The following RGL2 variants were observed in gnomAD, a reference collection of about 807,000 sequenced individuals.
The protein encoded by RGL2 is ral guanine nucleotide dissociation stimulator like 2.
A neutral mutation model predicts 84.6 loss-of-function variants in RGL2; 40 were observed. The ratio of observed to expected loss-of-function variants is 0.47; its 90% CI spans 0.37 to 0.62. RGL2 has a LOEUF of 0.62. Among genes scored for constraint, RGL2 ranks in the 20% least tolerant of loss-of-function variants. The pLI is 0.00. For synonymous variants in RGL2, 369 were observed against 417.3 expected (o/e 0.88, Z 1.41); for missense variants, 865 against 1,019.7 (o/e 0.85, Z 2.07).
Position 33,296,625 on chromosome 6 carries a change from G to C in RGL2, c.392C>G (p.Pro131Arg). Residue 131 changes from proline (P) to arginine (R), a missense_variant, in exon 4 of 18, where the codon CCT (proline) becomes CGT (arginine). This residue lies in a region of RGL2 where 455 missense variants were observed against 507.8 expected (regional missense o/e 0.90). Transcript: ENST00000497454. The surrounding 1 kb of genome is among the most constrained non-coding windows in gnomAD (Gnocchi z 5.0). ...GTCAGCCATAAGCCCTAGCAAGGCA[G>C]GCGTGGAGGTGAAGGCCCGGTGGGT... ...LATHRAFTSTPALLGLMADRL... is the reference protein window; with the variant it reads ...LATHRAFTSTRALLGLMADRL... The C allele has an allele frequency of 6.2e-7, 1 of 1,613,872 alleles. No homozygotes were observed. The highest frequency in any genetic ancestry group is 8.5e-7 in the Non-Finnish European group (1 of 1,179,990).
At chr6:33,301,550 G>A (rs920042089), upstream of RGL2, 7 of 588,494 alleles carry the variant, frequency 1.2e-5, no homozygotes, top group African/African-American at 1.3e-4. Flanking sequence ...CTGCAGCCTG[G>A]GCGGAAGAGT....
rs1391673921 is a variant in RGL2 at position 33,295,198 on chromosome 6, C to T, written c.1138G>A (p.Val380Ile). Residue 380 changes from valine (V) to isoleucine (I), a missense_variant, in exon 9 of 18, where the codon GTC (valine) becomes ATC (isoleucine). Val to Ile is a conservative substitution (Grantham distance 29). Coordinates refer to ENST00000497454, the MANE Select transcript of RGL2 (RefSeq NM_004761.5). The surrounding 1 kb of genome is among the most constrained non-coding windows in gnomAD (Gnocchi z 7.2). ...WGEATRDSLRVFSSLCQIFSE... is the reference protein window; with the variant it reads ...WGEATRDSLRIFSSLCQIFSE... ...AAAATCTGGCAGAGGCTGGAAAAGACTCTGAGGCTGTCCCTGGGGAAGGGA... is the reference window on the plus strand; with the variant it reads ...AAAATCTGGCAGAGGCTGGAAAAGATTCTGAGGCTGTCCCTGGGGAAGGGA... 2 of 1,603,724 alleles carry T rather than the reference C, an allele frequency of 1.2e-6. No homozygotes were observed. The highest frequency in any genetic ancestry group is 1.7e-6 in the Non-Finnish European group (2 of 1,174,704).
In RGL2 at chr6:33,298,633, G is replaced by T. The variant is rs1327536401; in HGVS notation, c.-23C>A. 7.0e-7 allele frequency: 1 copy of T among 1,438,808 alleles called. No individual in the cohort carries two copies. The allele number at this position is 1,438,808 out of a possible 1,614,324, so 89.1% of individuals were successfully genotyped here. A position where few individuals can be genotyped will look rare whatever the true frequency, so the allele number is the denominator to read the frequency against. ...CATGGCCGAGTGAAGGAATCAGCGG[G>T]GTCGGGCCATGGGGGCGCCTGGGGA... On this transcript the variant is annotated 5_prime_UTR_variant, in exon 2 of 18. Transcript: ENST00000497454. This position sits in a 1 kb window ranked among gnomAD's most constrained non-coding sequence, Gnocchi z 4.8.
chr6:33,298,050 G>A lies in RGL2; in HGVS notation c.156+405C>T, dbSNP rs538192943. On this transcript the variant is annotated intron_variant, in intron 2 of 17. Transcript: ENST00000497454. The surrounding 1 kb of genome is among the most constrained non-coding windows in gnomAD (Gnocchi z 4.8). ...GGAAGGAGGGGTCACGAAATCTGAG[G>A]GTTCCCTCCCCAATCCCAGAGTCAG... is the stretch of plus-strand genomic sequence containing the variant. The A allele has an allele frequency of 1.3e-5, 2 of 157,668 alleles. No homozygotes were observed. Among genetic ancestry groups the A allele is most frequent in the Non-Finnish European group, 2.8e-5 (2 of 71,616 alleles). The allele number at this position is 157,668 out of a possible 1,614,324, so 9.8% of individuals were successfully genotyped here. A position where few individuals can be genotyped will look rare whatever the true frequency, so the allele number is the denominator to read the frequency against.
Position 33,298,477 on chromosome 6 carries a change from T to G in RGL2, c.134A>C (p.Glu45Ala), listed in dbSNP as rs1228009795. ...CACCTCTTCTTCTTCCTCCTCCTCTTCCTCCTGCCCCCCGCCCACGACCAG... is the reference window on the plus strand; with the variant it reads ...CACCTCTTCTTCTTCCTCCTCCTCTGCCTCCTGCCCCCCGCCCACGACCAG... ...GGLVVGGGQE[E>A]EEEEEEEAPV... Residue 45 changes from glutamate (E) to alanine (A), a missense_variant, in exon 2 of 18, where the codon GAA (glutamate) becomes GCA (alanine). By Grantham distance (107) the Glu-to-Ala change is moderately radical. Transcript: ENST00000497454. This position sits in a 1 kb window ranked among gnomAD's most constrained non-coding sequence, Gnocchi z 4.8. The G allele has an allele frequency of 1.3e-6, 2 of 1,514,456 alleles. No homozygotes were observed. Among genetic ancestry groups the G allele is most frequent in the Non-Finnish European group, 1.8e-6 (2 of 1,120,054 alleles). 93.8% of individuals were successfully genotyped at this position (1,514,456 alleles called of 1,614,324 possible). A position where few individuals can be genotyped will look rare whatever the true frequency, so the allele number is the denominator to read the frequency against.
Position 33,296,067 on chromosome 6 carries a change from G to A in RGL2, c.729C>T (p.Leu243=), listed in dbSNP as rs747120176. The change falls in exon 6 of 18, where the codon CTC becomes CTT. Residue 243 remains leucine, a synonymous_variant. Coordinates refer to ENST00000497454, the MANE Select transcript of RGL2 (RefSeq NM_004761.5). This position sits in a 1 kb window ranked among gnomAD's most constrained non-coding sequence, Gnocchi z 5.0. ...TCAGCTGTTCGGCCAAGTGGTCAGC[G>A]AGGAACACCAGGACATCCGTGGGGT... ...PADPTDVLVF[L]ADHLAEQLTL... 5.6e-6 allele frequency: 9 copies of A among 1,614,034 alleles called. No individual in the cohort carries two copies. The highest frequency in any genetic ancestry group is 6.8e-6 in the Non-Finnish European group (8 of 1,180,026).
In RGL2 at chr6:33,295,924, C is replaced by T; in HGVS notation, c.768+104G>A. 6.7e-7 allele frequency: 1 copy of T among 1,485,684 alleles called. No individual in the cohort carries two copies. Among genetic ancestry groups the T allele is most frequent in the Non-Finnish European group, 9.3e-7 (1 of 1,079,922 alleles). 92.0% of individuals were successfully genotyped at this position (1,485,684 alleles called of 1,614,324 possible). A position where few individuals can be genotyped will look rare whatever the true frequency, so the allele number is the denominator to read the frequency against. The stretch of plus-strand genomic sequence containing the variant: ...GAATCAAAATGGTAGGTGGAGGAGG[C>T]TAGGAGCTGGATCAGGAAGGGGTGG... On this transcript the variant is annotated intron_variant, in intron 6 of 17. Coordinates refer to ENST00000497454, the MANE Select transcript of RGL2 (RefSeq NM_004761.5). This position sits in a 1 kb window ranked among gnomAD's most constrained non-coding sequence, Gnocchi z 7.2.
upstream of RGL2, chr6:33,299,169 G>A (rs1263726325): frequency 6.6e-6 from 1 of 152,310 alleles, no homozygotes; most frequent in Non-Finnish European, 1.5e-5. The surrounding 1 kb of genome is among the most constrained non-coding windows in gnomAD (Gnocchi z 5.0). Flanking sequence ...CTACACTCGG[G>A]GATTCTGGAG....
In RGL2 at chr6:33,297,342, G is replaced by C. The variant is rs1768080995; in HGVS notation, c.157-227C>G. Reference sequence around the variant, plus strand: ...CTCAGGGCCCCGGTGGAGTCGAAGGGGCTGCAGTGGAGGCGTGGATGGAGT... The same window carrying C: ...CTCAGGGCCCCGGTGGAGTCGAAGGCGCTGCAGTGGAGGCGTGGATGGAGT... On this transcript the variant is annotated intron_variant, in intron 2 of 17. Transcript: ENST00000497454. This position sits in a 1 kb window ranked among gnomAD's most constrained non-coding sequence, Gnocchi z 4.0. 1 of 500,086 alleles carries C rather than the reference G, an allele frequency of 2.0e-6. No individual in the cohort carries two copies. The highest frequency in any genetic ancestry group is 3.5e-6 in the Non-Finnish European group (1 of 284,572). 31.0% of individuals were successfully genotyped at this position (500,086 alleles called of 1,614,324 possible). A position where few individuals can be genotyped will look rare whatever the true frequency, so the allele number is the denominator to read the frequency against.
In RGL2 at chr6:33,294,520, G is replaced by C. The variant is rs1487428551; in HGVS notation, c.1353+168C>G. ...CAGATCAATGTAGATGCTATTTCTA[G>C]TTTCCCATTTACAGATCACTGAGGC... On this transcript the variant is annotated intron_variant, in intron 11 of 17. Transcript: ENST00000497454. This position sits in a 1 kb window ranked among gnomAD's most constrained non-coding sequence, Gnocchi z 5.0. 6.6e-6 allele frequency among the ~76,000 whole-genome samples: 1 copy of C among 152,126 alleles called. No individual in the cohort carries two copies. Among genetic ancestry groups the C allele is most frequent in the East Asian group, 1.9e-4 (1 of 5,190 alleles).
Position 33,294,999 on chromosome 6 carries a change from G to T in RGL2, c.1256C>A (p.Pro419Gln), listed in dbSNP as rs763614456. 1 of 1,582,190 alleles carries T rather than the reference G, an allele frequency of 6.3e-7. No homozygotes were observed. Among genetic ancestry groups the T allele is most frequent in the East Asian group, 2.3e-5 (1 of 43,270 alleles). Residue 419 changes from proline (P) to glutamine (Q), a missense_variant, in exon 10 of 18, where the codon CCG becomes CAG. Around this residue, in one of 5 missense-constraint regions of RGL2, gnomAD observed 455 missense variants for 507.8 expected, o/e 0.90. Coordinates refer to ENST00000497454, the MANE Select transcript of RGL2 (RefSeq NM_004761.5). The surrounding 1 kb of genome is among the most constrained non-coding windows in gnomAD (Gnocchi z 5.0). ...SPLEPHSKKA[P>Q]RSGSRGGGVV... is the part of the protein sequence containing the mutation. The stretch of plus-strand genomic sequence containing the variant: ...CACCCCACCCCGGGAGCCAGACCTC[G>T]GGGCCTTCTTGGAGTGTGGCTCCAG...
Position 33,296,762 on chromosome 6 carries a change from G to C in RGL2, c.255C>G (p.Pro85=). Residue 85 remains proline (P), a synonymous_variant, in exon 4 of 18, where the codon CCC becomes CCG. Transcript: ENST00000497454. This position sits in a 1 kb window ranked among gnomAD's most constrained non-coding sequence, Gnocchi z 5.0. The part of the protein sequence containing the change: ...RPLDPLVPMP[P]PRSSRRLRAG... ...CTCGGAGCCGTCGGGAGGAACGTGGGGGAGGCATAGGGACCTGGAGAACAC... is the reference window on the plus strand; with the variant it reads ...CTCGGAGCCGTCGGGAGGAACGTGGCGGAGGCATAGGGACCTGGAGAACAC... 1 of 1,613,988 alleles carries C rather than the reference G, an allele frequency of 6.2e-7. No individual in the cohort carries two copies. The highest frequency in any genetic ancestry group is 1.1e-5 in the South Asian group (1 of 91,084).
At position 33,295,578 on chromosome 6, in the gene RGL2, T is replaced by C; in HGVS notation, c.950A>G (p.Glu317Gly). Residue 317 changes from glutamate (E) to glycine (G), a missense_variant, in exon 7 of 18, where the codon GAG becomes GGG. Transcript: ENST00000497454. This position sits in a 1 kb window ranked among gnomAD's most constrained non-coding sequence, Gnocchi z 7.2. ...GGGACGGAGTGGCCGTATGGTCACC[T>C]CCCCAGGTCCCTCTCCAGTGGAAGT... ...GATSTGEGPG[E>G]VTIRPLRPPQ... 1 of 1,613,848 alleles carries C rather than the reference T, an allele frequency of 6.2e-7. No homozygotes were observed. Among genetic ancestry groups the C allele is most frequent in the Non-Finnish European group, 8.5e-7 (1 of 1,180,008 alleles).
chr6:33,298,667 GTGGGGT>G lies in RGL2; in HGVS notation c.-41-22_-41-17del. The G allele has an allele frequency of 8.2e-7, 1 of 1,218,542 alleles. No homozygotes were observed. Among genetic ancestry groups the G allele is most frequent in the African/African-American group, 1.6e-5 (1 of 62,296 alleles). 75.5% of individuals were successfully genotyped at this position (1,218,542 alleles called of 1,614,324 possible). ...ATGGGGGCGCCTGGGGAGAGACGGG[GTGGGGT>G]GGGGGTGGAGAGTCAGGCAGGCGCG... On this transcript the variant is annotated splice_polypyrimidine_tract_variant and intron_variant, in intron 1 of 17. Coordinates refer to ENST00000497454, the MANE Select transcript of RGL2 (RefSeq NM_004761.5). The surrounding 1 kb of genome is among the most constrained non-coding windows in gnomAD (Gnocchi z 4.8).
rs749825942 is a variant in RGL2 at position 33,298,571 on chromosome 6, G to T, written c.40C>A (p.Pro14Thr). ...RPLRLLLDTS[P>T]PGGVVLSSFR... is the part of the protein sequence containing the mutation. ...CTGCTCAGTACGACTCCCCCGGGGG[G>T]GCTCGTGTCCAAAAGCAGCCGCAGG... The change falls in exon 2 of 18, where the codon CCC becomes ACC. Residue 14 changes from proline (P) to threonine (T), a missense_variant. This residue lies in a region of RGL2 where 23 missense variants were observed against 22.7 expected (regional missense o/e 1.01). Transcript: ENST00000497454. The surrounding 1 kb of genome is among the most constrained non-coding windows in gnomAD (Gnocchi z 4.8). 5.4e-6 allele frequency: 8 copies of T among 1,470,166 alleles called. No individual in the cohort carries two copies. In the African/African-American group the frequency reaches 1.2e-4, roughly 22 times the overall value. The allele number at this position is 1,470,166 out of a possible 1,614,324, so 91.1% of individuals were successfully genotyped here. A position where few individuals can be genotyped will look rare whatever the true frequency, so the allele number is the denominator to read the frequency against.
rs749340862 is a variant in RGL2, at chr6:33,294,673, A to G, written c.1353+15T>C. On this transcript the variant is annotated intron_variant, in intron 11 of 17. Coordinates refer to ENST00000497454, the MANE Select transcript of RGL2 (RefSeq NM_004761.5). The surrounding 1 kb of genome is among the most constrained non-coding windows in gnomAD (Gnocchi z 5.0). ...TTGTTACATCATTGCAATGACACAC[A>G]CACACACCACTGACCTCCAACTCAT... The G allele has an allele frequency of 6.2e-6, 10 of 1,613,628 alleles. No homozygotes were observed. The South Asian group carries it at 1.1e-4, about 18-fold the overall frequency.
rs759431514 is a variant in RGL2 at position 33,293,595 on chromosome 6, ATC to A, written c.1604+7_1604+8del. ...CAAGAAACCACCCCCCAGCCAGTGAATCTCTCACTCTGTCCACTGCGAGATGA... is the reference window on the plus strand; with the variant it reads ...CAAGAAACCACCCCCCAGCCAGTGAATCTCACTCTGTCCACTGCGAGATGA... On this transcript the variant is annotated splice_region_variant and intron_variant, in intron 14 of 17. Coordinates refer to ENST00000497454, the MANE Select transcript of RGL2 (RefSeq NM_004761.5). The surrounding 1 kb of genome is among the most constrained non-coding windows in gnomAD (Gnocchi z 7.0). 11 of 1,613,602 alleles carry A rather than the reference ATC, an allele frequency of 6.8e-6. No individual in the cohort carries two copies. The highest frequency in any genetic ancestry group is 9.3e-6 in the Non-Finnish European group (11 of 1,179,748).
chr6:33,292,377 G>A (rs1444371003), intron 17 of RGL2, 53 bp downstream of exon 17: 1 of 1,608,174 alleles, frequency 6.2e-7, no homozygotes, highest in African/African-American at 1.3e-5. Context: ...CCGCCCAGAT[G>A]TGGAAGTACT....
At chr6:33,299,334 C>G (rs886795393), upstream of RGL2, 1 of 152,248 alleles carries the variant, frequency 6.6e-6, no homozygotes, top group Non-Finnish European at 1.5e-5. This position sits in a 1 kb window ranked among gnomAD's most constrained non-coding sequence, Gnocchi z 5.0. Context: ...GTCACTCCAT[C>G]CCCACGGGAT....
Sources: allele counts gnomAD v4.1 joint callset (sites outside exome capture counted in the v4.1 genomes callset), GRCh38; gene constraint gnomAD v4.1.1; regional missense constraint gnomAD v4.1.1; non-coding constraint Gnocchi (gnomAD v3.1); transcripts MANE v1.5; gene names NCBI Gene and HGNC (gene_info 2026-07-23, HGNC 2026-07-21).